COG5: variants seen among roughly 807,000 people sequenced by gnomAD.
COG5 encodes the protein conserved oligomeric Golgi complex subunit 5.
In COG5, 86 loss-of-function variants were observed where a neutral mutation model predicts 110.4. The observed-to-expected ratio is 0.78, with a 90% CI of 0.65 to 0.93. The LOEUF (loss-of-function observed/expected upper bound fraction) is 0.93, where lower values mean the gene tolerates loss of function less well. Ranked by LOEUF, COG5 falls within the 40% of genes least tolerant of loss-of-function variation. COG5 has a pLI of 0.00. For missense variants in COG5, 1,077 were observed against 987.0 expected (o/e 1.09, Z -1.22); for synonymous variants, 360 against 334.6 (o/e 1.08, Z -0.83).
intron 10 of COG5, among the ~76,000 whole-genome samples, chr7:107,359,000 G>C (rs759264234): frequency 1.2e-4 from 18 of 152,158 alleles, no homozygotes; most frequent in African/African-American, 4.3e-4. Flanking sequence ...CGATGGCAGG[G>C]GCGACCTCTC....
intron 19 of COG5, among the ~76,000 whole-genome samples, chr7:107,221,512 C>A (rs570324873): frequency 6.6e-6 from 1 of 152,130 alleles, no homozygotes; most frequent in South Asian, 2.1e-4. Context: ...CACCTGTAAT[C>A]CCAGCACTTT....
At chr7:107,217,879 GAGAA>G (rs1799636566) in intron 19 of COG5, among the ~76,000 whole-genome samples, 1 of 151,938 alleles carries the variant, frequency 6.6e-6, no homozygotes, top group Non-Finnish European at 1.5e-5. Flanking sequence ...AATTAGGCAA[GAGAA>G]AGAAAGAAAA....
intron 14 of COG5, among the ~76,000 whole-genome samples, chr7:107,273,596 G>T (rs1182796469): frequency 6.6e-6 from 1 of 152,156 alleles, no homozygotes; most frequent in Non-Finnish European, 1.5e-5. Flanking sequence ...TCCTCTCAAT[G>T]AGAACATCTG....
At chr7:107,316,817 T>C (rs1407333937) in intron 11 of COG5, among the ~76,000 whole-genome samples, 1 of 151,712 alleles carries the variant, frequency 6.6e-6, no homozygotes, top group East Asian at 1.9e-4. Flanking sequence ...GGGGACACAG[T>C]GAGACTCTGT....
chr7:107,313,444 T>A (rs1304661154), intron 11 of COG5, among the ~76,000 whole-genome samples: 1 of 152,192 alleles, frequency 6.6e-6, no homozygotes, highest in African/African-American at 2.4e-5. Flanking sequence ...ACCACCATGT[T>A]GGAAAACTCT....
intron 1 of COG5, among the ~76,000 whole-genome samples, chr7:107,560,398 A>G (rs1228974416): frequency 6.6e-6 from 1 of 152,214 alleles, no homozygotes; most frequent in East Asian, 1.9e-4. Context: ...AAATATTCAC[A>G]CTGCACAGGA....
chr7:107,549,046 T>C (rs1454947056), intron 3 of COG5, among the ~76,000 whole-genome samples: 1 of 152,186 alleles, frequency 6.6e-6, no homozygotes, highest in South Asian at 2.1e-4. Flanking sequence ...TGAAATAATA[T>C]TGGAACAAAT....
At chr7:107,473,689 G>A (rs1298788305) in intron 6 of COG5, among the ~76,000 whole-genome samples, 1 of 151,718 alleles carries the variant, frequency 6.6e-6, no homozygotes, top group Admixed American at 6.6e-5. Context: ...TAAGACACTG[G>A]GCTGAAATTA....
chr7:107,290,427 C>T (rs1032271221), intron 12 of COG5, among the ~76,000 whole-genome samples: 4 of 152,130 alleles, frequency 2.6e-5, no homozygotes, highest in Non-Finnish European at 5.9e-5. Flanking sequence ...TTGTTTTATA[C>T]AGTCGATACA....
intron 6 of COG5, among the ~76,000 whole-genome samples, chr7:107,498,325 G>C (rs972559996): frequency 6.6e-6 from 1 of 152,108 alleles, no homozygotes; most frequent in African/African-American, 2.4e-5. Flanking sequence ...AAGGAAACAA[G>C]ACAGTGAAAA....
At chr7:107,545,611 C>G (rs991684259) in intron 5 of COG5, among the ~76,000 whole-genome samples, 3 of 151,878 alleles carry the variant, frequency 2.0e-5, no homozygotes, top group African/African-American at 7.3e-5. Flanking sequence ...GAAATGCCAT[C>G]TCTACCAAAA....
At chr7:107,397,126 C>T (rs554932560) in intron 7 of COG5, among the ~76,000 whole-genome samples, 56 of 152,300 alleles carry the variant, frequency 3.7e-4, no homozygotes, top group African/African-American at 1.3e-3. Context: ...TTTTCACAGT[C>T]TTCTTGATAG....
intron 14 of COG5, among the ~76,000 whole-genome samples, chr7:107,260,666 A>G (rs1803262032): frequency 6.6e-6 from 1 of 152,190 alleles, no homozygotes; most frequent in Non-Finnish European, 1.5e-5. Flanking sequence ...AAGATGACTT[A>G]AGTTCAAAAG....
chr7:107,229,919 C>T (rs1335745659), intron 19 of COG5, among the ~76,000 whole-genome samples: 3 of 146,036 alleles, frequency 2.1e-5, no homozygotes, highest in Middle Eastern at 3.7e-3. Context: ...GGCGTGATCT[C>T]GGCTCACTGC....
chr7:107,344,522 CTTTA>C (rs1454414970), intron 10 of COG5, among the ~76,000 whole-genome samples: 2 of 152,046 alleles, frequency 1.3e-5, no homozygotes, highest in Admixed American at 6.6e-5. Flanking sequence ...GATTGTTTTA[CTTTA>C]TTTATTTATT....
In COG5 at chr7:107,234,778, C is replaced by CT. The variant is rs78154512; in HGVS notation, c.2091+1671dup. Among the ~76,000 whole-genome samples the CT allele has an allele frequency of 2.3e-4, 34 of 146,618 alleles. 1 individual carries two copies. Among genetic ancestry groups the CT allele is most frequent in the South Asian group, 8.7e-4 (4 of 4,582 alleles). On this transcript the variant is annotated intron_variant, in intron 18 of 21. Coordinates refer to ENST00000297135, the MANE Select transcript of COG5 (RefSeq NM_006348.5). Reference sequence around the variant, plus strand: ...AGAGACCATCTGAGTATAGTTCACACTTTTTTTTTTTAAACAAATAAGAGG... The same window carrying CT: ...AGAGACCATCTGAGTATAGTTCACACTTTTTTTTTTTTAAACAAATAAGAGG...
chr7:107,314,842 T>C (rs1388455550), intron 11 of COG5, among the ~76,000 whole-genome samples: 1 of 152,214 alleles, frequency 6.6e-6, no homozygotes, highest in African/African-American at 2.4e-5. Flanking sequence ...AAACAGAACA[T>C]CAAAGCACTT....
intron 5 of COG5, among the ~76,000 whole-genome samples, chr7:107,540,475 G>A (rs1438531999): frequency 6.6e-6 from 1 of 151,578 alleles, no homozygotes; most frequent in Non-Finnish European, 1.5e-5. Flanking sequence ...CTACTTGGGA[G>A]GCTGGGGCAG....
At chr7:107,207,769 T>C (rs931957412) in intron 21 of COG5, 80 of 985,324 alleles carry the variant, frequency 8.1e-5, no homozygotes, top group Non-Finnish European at 9.2e-5. Flanking sequence ...GTTATTACTC[T>C]GATTTTCAAA....
Sources: allele counts gnomAD v4.1 joint callset (sites outside exome capture counted in the v4.1 genomes callset), GRCh38; gene constraint gnomAD v4.1.1; transcripts MANE v1.5; gene names NCBI Gene and HGNC (gene_info 2026-07-23, HGNC 2026-07-21).